Variants in RBFOX1 observed in about 807,000 individuals in gnomAD.
RBFOX1 encodes the protein RNA binding fox-1 homolog 1.
In RBFOX1, 8 loss-of-function variants were observed where a neutral mutation model predicts 57.7. That is an observed-to-expected ratio of 0.14 (90% CI 0.08 to 0.25). RBFOX1 has a LOEUF of 0.25. Among genes scored for constraint, RBFOX1 ranks in the 10% least tolerant of loss-of-function variants. The pLI is 1.00. For synonymous variants in RBFOX1, 326 were observed against 222.4 expected, an observed-to-expected ratio of 1.47 and a Z score of -4.15; for missense variants, 611 against 548.5, an observed-to-expected ratio of 1.11 and a Z score of -1.14.
chr16:6,824,496 A>G (rs945579154), intron 3 of RBFOX1, among the ~76,000 whole-genome samples: 1 of 152,178 alleles, frequency 6.6e-6, no homozygotes, highest in African/African-American at 2.4e-5. Flanking sequence ...TTTGTAGTAA[A>G]TTCTATATTT....
At chr16:5,806,918 C>A (rs912584393) in intron 3 of RBFOX1, among the ~76,000 whole-genome samples, 1 of 152,104 alleles carries the variant, frequency 6.6e-6, no homozygotes, top group Non-Finnish European at 1.5e-5. Context: ...ACCGAAGCAG[C>A]CAGCCTTTCC....
intron 3 of RBFOX1, among the ~76,000 whole-genome samples, chr16:6,803,652 C>T (rs1187635052): frequency 6.6e-6 from 1 of 152,124 alleles, no homozygotes; most frequent in Non-Finnish European, 1.5e-5. Flanking sequence ...AATCTTTCAC[C>T]ATTAATAATT....
chr16:5,353,617 G>T (rs2065313864), intron 1 of RBFOX1, among the ~76,000 whole-genome samples: 1 of 152,004 alleles, frequency 6.6e-6, no homozygotes, highest in African/African-American at 2.4e-5. Context: ...CACATCAAGA[G>T]GTAGATGATG....
intron 1 of RBFOX1, among the ~76,000 whole-genome samples, chr16:5,413,912 G>A (rs11644455): frequency 0.23 from 35,044 of 152,044 alleles, 4,633 homozygotes; most frequent in African/African-American, 0.37. Flanking sequence ...CCATGTTCCT[G>A]AAAGCTCATG....
chr16:5,349,747 T>A (rs1195539168), intron 1 of RBFOX1, among the ~76,000 whole-genome samples: 1 of 152,108 alleles, frequency 6.6e-6, no homozygotes, highest in Non-Finnish European at 1.5e-5. Context: ...CCTGAATGAT[T>A]TGGAAGCTGC....
intron 4 of RBFOX1, among the ~76,000 whole-genome samples, chr16:7,341,112 C>T (rs1473518029): frequency 6.6e-6 from 1 of 151,972 alleles, no homozygotes; most frequent in South Asian, 2.1e-4. Context: ...AGATACTCAC[C>T]CCTATTTATG....
intron 4 of RBFOX1, among the ~76,000 whole-genome samples, chr16:7,477,581 A>G (rs1032988404): frequency 1.3e-5 from 2 of 152,176 alleles, no homozygotes; most frequent in African/African-American, 4.8e-5. Flanking sequence ...GGCTGGCTCC[A>G]TATGGCATGG....
chr16:5,359,332 G>A (rs1459685691), intron 1 of RBFOX1, among the ~76,000 whole-genome samples: 3 of 152,192 alleles, frequency 2.0e-5, no homozygotes, highest in African/African-American at 7.2e-5. Flanking sequence ...TGTATACCCA[G>A]CAATGGGATT....
intron 2 of RBFOX1, among the ~76,000 whole-genome samples, chr16:6,406,849 AT>A (rs1390223087): frequency 6.6e-6 from 1 of 152,060 alleles, no homozygotes; most frequent in Non-Finnish European, 1.5e-5. Context: ...AATAGAATAG[AT>A]CCATGGCTTG....
intron 4 of RBFOX1, among the ~76,000 whole-genome samples, chr16:7,360,207 A>G (rs1212284720): frequency 6.6e-6 from 1 of 152,170 alleles, no homozygotes; most frequent in African/African-American, 2.4e-5. Flanking sequence ...ATAGCATGGT[A>G]TTATGTTGTA....
chr16:7,067,203 T>G (rs2153763715), intron 4 of RBFOX1, among the ~76,000 whole-genome samples: 1 of 152,254 alleles, frequency 6.6e-6, no homozygotes, highest in South Asian at 2.1e-4. Context: ...TCTTGAAAAC[T>G]TAATTAAAGC....
intron 1 of RBFOX1, among the ~76,000 whole-genome samples, chr16:6,087,223 G>T (rs993506902): frequency 1.6e-4 from 25 of 152,164 alleles, no homozygotes; most frequent in Non-Finnish European, 2.6e-4. Context: ...CATTTTTAGG[G>T]GAATTTAGGT....
At position 7,065,308 on chromosome 16, in the gene RBFOX1, G is replaced by T. The variant is rs140562493; in HGVS notation, c.27+13210G>T. 2.6e-5 allele frequency among the ~76,000 whole-genome samples: 4 copies of T among 152,212 alleles called. No homozygotes were observed. The East Asian group carries it at 5.8e-4, about 22-fold the overall frequency. Reference sequence around the variant, plus strand: ...CTTTTAGGGATGATCTGATGGAGCCGTGTAATCTGCTTTCTTCAGGTGCAC... The same window carrying T: ...CTTTTAGGGATGATCTGATGGAGCCTTGTAATCTGCTTTCTTCAGGTGCAC... On this transcript the variant is annotated intron_variant, in intron 4 of 15. Coordinates refer to ENST00000550418, the MANE Select transcript of RBFOX1 (RefSeq NM_018723.4).
chr16:6,670,812 A>G (rs1214815843), intron 3 of RBFOX1, among the ~76,000 whole-genome samples: 3 of 152,000 alleles, frequency 2.0e-5, no homozygotes, highest in African/African-American at 7.3e-5. Flanking sequence ...CCTAGCTAAC[A>G]CGGTGAAACC....
intron 4 of RBFOX1, among the ~76,000 whole-genome samples, chr16:7,445,215 C>G (rs1232744786): frequency 1.3e-5 from 2 of 151,952 alleles, no homozygotes; most frequent in South Asian, 2.1e-4. Flanking sequence ...AATATTACTG[C>G]TAGTATGAGT....
At chr16:7,063,858 G>T (rs2055231438) in intron 4 of RBFOX1, among the ~76,000 whole-genome samples, 1 of 152,168 alleles carries the variant, frequency 6.6e-6, no homozygotes, top group South Asian at 2.1e-4. Flanking sequence ...TATGTGGGTG[G>T]ATGTGCATAG....
intron 4 of RBFOX1, among the ~76,000 whole-genome samples, chr16:7,427,271 TAATA>T (rs2098629810): frequency 6.6e-6 from 1 of 152,110 alleles, no homozygotes; most frequent in African/African-American, 2.4e-5. Flanking sequence ...TAATAAAAAT[TAATA>T]AAATAAAATA....
At chr16:6,640,608 C>CAAAT (rs67228866) in intron 2 of RBFOX1, among the ~76,000 whole-genome samples, 12 of 151,426 alleles carry the variant, frequency 7.9e-5, no homozygotes, top group African/African-American at 2.4e-4. Context: ...ACTCCATTGC[C>CAAAT]AAATAAATAA....
intron 4 of RBFOX1, among the ~76,000 whole-genome samples, chr16:7,161,709 C>A (rs376562273): frequency 6.6e-6 from 1 of 152,114 alleles, no homozygotes; most frequent in Non-Finnish European, 1.5e-5. Flanking sequence ...GGTTTCTGTC[C>A]TTCATTTGAG....
Sources: gnomAD v4.1 joint callset for allele counts (sites outside exome capture counted in the v4.1 genomes callset) on GRCh38, gnomAD v4.1.1 for gene constraint, MANE v1.5 for transcripts, NCBI Gene and HGNC (gene_info 2026-07-23, HGNC 2026-07-21) for gene names.